Variants in CD40LG observed in about 807,000 individuals in gnomAD.
CD40LG encodes CD40 ligand, also known as CD40 antigen ligand.
Under a neutral mutation model 17.2 loss-of-function variants are expected in CD40LG, and 1 was observed. That is an observed-to-expected ratio of 0.06 (90% CI 0.02 to 0.28). The LOEUF (loss-of-function observed/expected upper bound fraction) is 0.28. Among genes scored for constraint, CD40LG ranks in the 10% least tolerant of loss-of-function variants. The pLI is 1.00. For missense variants in CD40LG, 133 were observed against 193.2 expected (o/e 0.69, Z 1.85); for synonymous variants, 66 against 74.4 (o/e 0.89, Z 0.58).
At chrX:136,658,921 G>T in intron 4 of CD40LG, 118 bp from the exon 5 acceptor site, 3 of 776,655 alleles carry the variant, frequency 3.9e-6, no homozygotes, top group Non-Finnish European at 5.8e-6. Context: ...CCATGGAAGG[G>T]GCCTTGAGAA....
At chrX:136,650,548 C>A (rs2076101283) in intron 2 of CD40LG, 151 bp downstream of exon 2, 1 of 497,264 alleles carries the variant, frequency 2.0e-6, no homozygotes, top group Non-Finnish European at 3.5e-6. Flanking sequence ...GATATACACA[C>A]ATACATGGGT....
At chrX:136,656,490 T>C in intron 4 of CD40LG, 72 bp downstream of exon 4, 2 of 868,766 alleles carry the variant, frequency 2.3e-6, no homozygotes, top group Non-Finnish European at 3.4e-6. Flanking sequence ...TGTTACCTAA[T>C]GGTTAAACTC....
At chrX:136,652,887 C>T (rs771954711) in intron 2 of CD40LG, among the ~76,000 whole-genome samples, 1 of 110,396 alleles carries the variant, frequency 9.1e-6, no homozygotes, top group African/African-American at 3.3e-5. Flanking sequence ...AGAAATAACC[C>T]ATTCTGGATT....
At chrX:136,651,966 T>C (rs2076105058) in intron 2 of CD40LG, among the ~76,000 whole-genome samples, 1 of 111,548 alleles carries the variant, frequency 9.0e-6, no homozygotes, top group East Asian at 2.8e-4. Context: ...ATTCCTCACG[T>C]CATTATTTCA....
At position 136,652,339 on chromosome X, in the gene CD40LG, C is replaced by T. The variant is rs190176992; in HGVS notation, c.288+1942C>T. Among the ~76,000 whole-genome samples the T allele has an allele frequency of 1.2e-4, 13 of 111,863 alleles. No individual in the cohort carries two copies. The East Asian group carries it at 3.1e-3, about 26-fold the overall frequency. On this transcript the variant is annotated intron_variant, in intron 2 of 4. Transcript: ENST00000370629. ...AAATTTCTCACCCTAAAACAAAATT[C>T]GAGACTTTGAAAAAACTCAATAGGA... is the stretch of plus-strand genomic sequence containing the variant.
chrX:136,652,938 G>A (rs1183206893), intron 2 of CD40LG, among the ~76,000 whole-genome samples: 1 of 110,357 alleles, frequency 9.1e-6, no homozygotes, highest in Middle Eastern at 4.2e-3. Flanking sequence ...GTTGAGGTGG[G>A]GAGTGAAGCA....
chrX:136,654,488 G>A, intron 3 of CD40LG, 58 bp downstream of exon 3: 3 of 891,621 alleles, frequency 3.4e-6, no homozygotes, highest in South Asian at 4.0e-5. Context: ...GAAGCTTTAG[G>A]CTGATCATAT....
chrX:136,653,200 G>A (rs922520627), intron 2 of CD40LG, among the ~76,000 whole-genome samples: 3 of 112,222 alleles, frequency 2.7e-5, no homozygotes, highest in African/African-American at 9.7e-5. Flanking sequence ...TCATAGTGCC[G>A]CGCTTCAGCT....
intron 1 of CD40LG, among the ~76,000 whole-genome samples, chrX:136,649,248 GGAACTGTGGCTA>G (rs1403146340): frequency 8.9e-6 from 1 of 112,625 alleles, no homozygotes; most frequent in Non-Finnish European, 1.9e-5. Flanking sequence ...TCTGGATGCA[GGAACTGTGGCTA>G]GAAAGCATCT....
intron 2 of CD40LG, among the ~76,000 whole-genome samples, chrX:136,653,909 G>C (rs764940891): frequency 1.5e-4 from 17 of 112,017 alleles, no homozygotes; most frequent in Non-Finnish European, 2.1e-4. Context: ...TCTCCCCAAG[G>C]TCAAACTTAC....
chrX:136,649,244 TGC>T (rs990114107), intron 1 of CD40LG, among the ~76,000 whole-genome samples: 1 of 112,727 alleles, frequency 8.9e-6, no homozygotes, highest in African/African-American at 3.2e-5. Flanking sequence ...AAATTCTGGA[TGC>T]AGGAACTGTG....
chrX:136,648,958 T>C (rs2076096911), intron 1 of CD40LG, among the ~76,000 whole-genome samples: 1 of 112,218 alleles, frequency 8.9e-6, no homozygotes, highest in African/African-American at 3.2e-5. Flanking sequence ...AAAAGTAGCA[T>C]TTTCTGTGTA....
chrX:136,656,550 A>G (rs1277914085), intron 4 of CD40LG, 132 bp downstream of exon 4: 1 of 555,976 alleles, frequency 1.8e-6, no homozygotes, highest in Admixed American at 2.5e-5. Context: ...CACTTCTCCT[A>G]TTCCCTTCTT....
intron 4 of CD40LG, among the ~76,000 whole-genome samples, 177 bp downstream of exon 4, chrX:136,656,595 C>T (rs2076119956): frequency 8.9e-6 from 1 of 112,238 alleles, no homozygotes; most frequent in Non-Finnish European, 1.9e-5. Context: ...ACAGATGGGA[C>T]TTAGAGGGAC....
intron 3 of CD40LG, among the ~76,000 whole-genome samples, chrX:136,654,843 C>A (rs2076114564): frequency 1.8e-5 from 2 of 111,304 alleles, no homozygotes; most frequent in South Asian, 7.7e-4. Flanking sequence ...CAAGGAGTGA[C>A]AATGTCACAG....
intron 4 of CD40LG, among the ~76,000 whole-genome samples, chrX:136,656,936 G>A (rs778918484): frequency 5.3e-5 from 6 of 112,233 alleles, no homozygotes; most frequent in South Asian, 7.4e-4. Context: ...AACAACAGAC[G>A]ACATATTGTG....
rs1328004445 is a variant in CD40LG at position 136,652,614 on chromosome X, T to A, written c.289-1759T>A. On this transcript the variant is annotated intron_variant, in intron 2 of 4. Transcript: ENST00000370629. ...AACATCTCTAGTGACAAGGAACTCA[T>A]TATCTCTGGAGGCAGGTAGCACTAA... Among the ~76,000 whole-genome samples the A allele has an allele frequency of 2.7e-5, 3 of 111,423 alleles. No individual in the cohort carries two copies. In the East Asian group the frequency reaches 8.4e-4, roughly 31 times the overall value.
rs1244882800 is a variant in CD40LG at position 136,656,512 on chromosome X, T to C, written c.409+94T>C. 4.0e-6 allele frequency: 3 copies of C among 747,179 alleles called. No homozygotes were observed. The African/African-American group carries it at 6.2e-5, about 15-fold the overall frequency. The allele number at this position is 747,179 out of a possible 1,213,427, so 61.6% of individuals were successfully genotyped here. ...TAATGGTTAAACTCCTCTTTTCCCC[T>C]GGGACCCAATTTACAAACCTACCCC... On this transcript the variant is annotated intron_variant, in intron 4 of 4. Transcript: ENST00000370629.
intron 2 of CD40LG, among the ~76,000 whole-genome samples, chrX:136,651,256 C>T (rs2076103149): frequency 9.0e-6 from 1 of 111,176 alleles, no homozygotes; most frequent in Non-Finnish European, 1.9e-5. Flanking sequence ...CCTTGGGCCT[C>T]GGCTCACTTA....
Sources: gnomAD v4.1 joint callset for allele counts (sites outside exome capture counted in the v4.1 genomes callset) on GRCh38, gnomAD v4.1.1 for gene constraint, MANE v1.5 for transcripts, NCBI Gene and HGNC (gene_info 2026-07-23, HGNC 2026-07-21) for gene names.